Variants in HIVEP1 observed in about 807,000 individuals in gnomAD.
HIVEP1 encodes the protein HIVEP zinc finger 1.
Under a neutral mutation model 180.0 loss-of-function variants are expected in HIVEP1, and 36 were observed. That is an observed-to-expected ratio of 0.20 (90% CI 0.15 to 0.26). HIVEP1 has a LOEUF of 0.26. HIVEP1 is among the 10% of genes least tolerant of loss of function. The pLI is 1.00. For synonymous variants in HIVEP1, 1,239 were observed against 1,239.0 expected (o/e 1.00, Z 0.00); for missense variants, 3,143 against 3,268.7 (o/e 0.96, Z 0.94).
chr6:12,123,109 A>G lies in HIVEP1; in HGVS notation c.3314A>G (p.Asp1105Gly), dbSNP rs1757792748. 1 of 1,614,060 alleles carries G rather than the reference A, an allele frequency of 6.2e-7. No individual in the cohort carries two copies. The highest frequency in any genetic ancestry group is 1.7e-5 in the Admixed American group (1 of 60,004). ...GCCAGGGGCCCTGAGCAGACCATGG[A>G]TCCCAAGCTGTCGACCATCATGGAA... ...LVARGPEQTMDPKLSTIMEQQ... is the reference protein window; with the variant it reads ...LVARGPEQTMGPKLSTIMEQQ... The change falls in exon 4 of 9, where the codon GAT (aspartate) becomes GGT (glycine). Residue 1105 changes from aspartate to glycine, a missense_variant. Asp to Gly is a moderately conservative substitution (Grantham distance 94). Coordinates refer to ENST00000379388, the MANE Select transcript of HIVEP1 (RefSeq NM_002114.4).
At chr6:12,018,381 G>A (rs1767975530) in intron 2 of HIVEP1, among the ~76,000 whole-genome samples, 1 of 152,248 alleles carries the variant, frequency 6.6e-6, no homozygotes, top group Non-Finnish European at 1.5e-5. Flanking sequence ...GCCAGAGTGG[G>A]CACCAAGGCG....
chr6:12,129,581 T>A (rs1028723112), intron 4 of HIVEP1, 178 bp from the exon 5 acceptor site: 13 of 694,772 alleles, frequency 1.9e-5, no homozygotes, highest in Non-Finnish European at 3.5e-5. Flanking sequence ...TTTGCTGTGA[T>A]TGAGACAGAT....
the HIVEP1 span, among the ~76,000 whole-genome samples, chr6:12,183,997 A>G: frequency 7.1e-6 from 1 of 140,706 alleles, no homozygotes; most frequent in Non-Finnish European, 1.5e-5. Flanking sequence ...AGATAGATAG[A>G]TAGATAGATA....
the HIVEP1 span, among the ~76,000 whole-genome samples, chr6:12,182,471 A>G: frequency 8.6e-3 from 1,309 of 152,320 alleles, 20 homozygotes; most frequent in Admixed American, 0.041. Context: ...CCCATCCCCA[A>G]CTAGCAGCAA....
chr6:12,078,634 TAC>T (rs3070536), intron 2 of HIVEP1, among the ~76,000 whole-genome samples: 78,827 of 146,732 alleles, frequency 0.54, 21,732 homozygotes, highest in East Asian at 0.79. Context: ...TACATATATA[TAC>T]ACACACACAC....
chr6:12,016,313 G>C (rs943468928), intron 2 of HIVEP1, among the ~76,000 whole-genome samples: 1 of 152,098 alleles, frequency 6.6e-6, no homozygotes, highest in Non-Finnish European at 1.5e-5. Context: ...AAAAAGATTT[G>C]TATTGTTCTC....
At chr6:12,027,867 C>G (rs528130158) in intron 2 of HIVEP1, among the ~76,000 whole-genome samples, 5 of 152,320 alleles carry the variant, frequency 3.3e-5, no homozygotes, top group Non-Finnish European at 7.3e-5. Flanking sequence ...ACAACACTTT[C>G]TGTAATATCC....
intron 1 of HIVEP1, among the ~76,000 whole-genome samples, chr6:12,013,499 G>A (rs1409522811): frequency 6.6e-6 from 1 of 152,192 alleles, no homozygotes; most frequent in Non-Finnish European, 1.5e-5. Flanking sequence ...GGCAATGAAC[G>A]GGGTAGCAGA....
upstream of HIVEP1, among the ~76,000 whole-genome samples, chr6:12,011,362 T>A (rs1292206244): frequency 7.9e-6 from 1 of 126,026 alleles, no homozygotes; most frequent in Non-Finnish European, 1.6e-5. Flanking sequence ...GCCCACATCC[T>A]GCTGTAGAAA....
chr6:12,211,584 G>A, the HIVEP1 span, among the ~76,000 whole-genome samples: 1 of 150,818 alleles, frequency 6.6e-6, no homozygotes, highest in East Asian at 1.9e-4. Flanking sequence ...ATACATCCAT[G>A]TGTGTGTCTA....
chr6:12,186,827 A>G, the HIVEP1 span, among the ~76,000 whole-genome samples: 1 of 152,208 alleles, frequency 6.6e-6, no homozygotes, highest in Non-Finnish European at 1.5e-5. Flanking sequence ...AAATTATGAA[A>G]TAGAAATTTT....
chr6:12,061,665 T>TG (rs1318776013), intron 2 of HIVEP1, among the ~76,000 whole-genome samples: 2 of 152,302 alleles, frequency 1.3e-5, no homozygotes, highest in Non-Finnish European at 2.9e-5. Flanking sequence ...AATAGAAAAT[T>TG]GCTAACAAGT....
At position 12,120,808 on chromosome 6, in the gene HIVEP1, C is replaced by T. The variant is rs374355359; in HGVS notation, c.1013C>T (p.Ser338Leu). The T allele has an allele frequency of 5.6e-6, 9 of 1,614,002 alleles. No individual in the cohort carries two copies. The highest frequency in any genetic ancestry group is 1.3e-5 in the African/African-American group (1 of 74,916). Residue 338 changes from serine (S) to leucine (L), a missense_variant, in exon 4 of 9, where the codon TCA becomes TTA. Ser to Leu is a moderately radical substitution (Grantham distance 145). Coordinates refer to ENST00000379388, the MANE Select transcript of HIVEP1 (RefSeq NM_002114.4). ...GTGACATCATCTGTAGGCCTAACTT[C>T]ACCTTCCAGTAGATCTCAGGTTACT... ...IAVTSSVGLT[S>L]PSSRSQVTPQ...
At chr6:12,192,531 G>A in the HIVEP1 span, among the ~76,000 whole-genome samples, 394 of 152,230 alleles carry the variant, frequency 2.6e-3, 2 homozygotes, top group Middle Eastern at 0.054. Flanking sequence ...TGATTGGATC[G>A]TGGGGGCAGA....
upstream of HIVEP1, among the ~76,000 whole-genome samples, chr6:12,011,826 C>T (rs1326586225): frequency 6.8e-6 from 1 of 147,580 alleles, no homozygotes; most frequent in Non-Finnish European, 1.5e-5. Flanking sequence ...GGGCGTCCCG[C>T]GCCCCTCGCC....
At chr6:12,053,862 C>T (rs1770690556) in intron 2 of HIVEP1, among the ~76,000 whole-genome samples, 1 of 152,186 alleles carries the variant, frequency 6.6e-6, no homozygotes, top group Non-Finnish European at 1.5e-5. Context: ...GGATGAACAT[C>T]TTGGTACATA....
chr6:12,120,514 C>G lies in HIVEP1; in HGVS notation c.719C>G (p.Ser240Ter). 1 of 1,614,166 alleles carries G rather than the reference C, an allele frequency of 6.2e-7. No individual in the cohort carries two copies. The change falls in exon 4 of 9, where the codon TCA (serine) becomes TGA (stop). Residue 240 changes from serine (S) to a stop codon, truncating the protein, a stop_gained. Transcript: ENST00000379388. LOFTEE classifies it high-confidence loss of function. ...TCCCCTCCCAAATTAAAAAACAGTT[C>G]AATGGATGCCCCAAATCAGACTTCA... ...ARSPPKLKNS[S>*]MDAPNQTSQE...
At chr6:12,024,842 T>C (rs1768472667) in intron 2 of HIVEP1, among the ~76,000 whole-genome samples, 1 of 152,222 alleles carries the variant, frequency 6.6e-6, no homozygotes, top group African/African-American at 2.4e-5. Context: ...TGCGCCTCTC[T>C]GAGAGAATTA....
the HIVEP1 span, among the ~76,000 whole-genome samples, chr6:12,171,994 T>C: frequency 6.6e-6 from 1 of 152,036 alleles, no homozygotes; most frequent in Non-Finnish European, 1.5e-5. Context: ...CTCTGACAAC[T>C]AGATCTGCTC....
Sources: allele counts gnomAD v4.1 joint callset (sites outside exome capture counted in the v4.1 genomes callset), GRCh38; gene constraint gnomAD v4.1.1; transcripts MANE v1.5; gene names NCBI Gene and HGNC (gene_info 2026-07-23, HGNC 2026-07-21).